The following GRIK2 variants were observed in gnomAD, a reference collection of about 807,000 sequenced individuals.
GRIK2 encodes glutamate receptor ionotropic, kainate 2.
A neutral mutation model predicts 100.3 loss-of-function variants in GRIK2; 32 were observed. The observed-to-expected ratio is 0.32, with a 90% CI of 0.24 to 0.43. The LOEUF is 0.43. Ranked by LOEUF, GRIK2 falls within the 20% of genes least tolerant of loss-of-function variation. The pLI is 1.00. For synonymous variants in GRIK2, 417 were observed against 389.4 expected (o/e 1.07, Z -0.83); for missense variants, 843 against 1,114.9 (o/e 0.76, Z 3.47).
In GRIK2 at chr6:101,621,853, A is replaced by G. The variant is rs1780179574; in HGVS notation, c.116-96A>G. 19 of 819,298 alleles carry G rather than the reference A, an allele frequency of 2.3e-5. No homozygotes were observed. In the South Asian group the frequency reaches 2.5e-4, roughly 11 times the overall value. The allele number at this position is 819,298 out of a possible 1,614,324, so 50.8% of individuals were successfully genotyped here. A position where few individuals can be genotyped will look rare whatever the true frequency, so the allele number is the denominator to read the frequency against. On this transcript the variant is annotated intron_variant, in intron 2 of 16. Coordinates refer to ENST00000369134, the MANE Select transcript of GRIK2 (RefSeq NM_021956.5). ...CACACACGCAAATGCACTTGCACAT[A>G]TATAAAAGTACAGAAAACTTCTGAT...
chr6:101,680,201 A>G (rs1441445161), intron 5 of GRIK2, among the ~76,000 whole-genome samples: 1 of 152,190 alleles, frequency 6.6e-6, no homozygotes, highest in African/African-American at 2.4e-5. Context: ...GGAAATACAT[A>G]TGTCAGAACA....
intron 2 of GRIK2, among the ~76,000 whole-genome samples, chr6:101,434,828 C>T (rs1232678480): frequency 2.0e-5 from 3 of 152,052 alleles, no homozygotes; most frequent in African/African-American, 7.2e-5. Context: ...AGCTGTTCAC[C>T]ATAATTCCTG....
At chr6:101,409,108 A>ATGTG (rs67806970) in intron 2 of GRIK2, among the ~76,000 whole-genome samples, 1,934 of 138,500 alleles carry the variant, frequency 0.014, 25 homozygotes, top group African/African-American at 0.033. Flanking sequence ...AACATTGTGT[A>ATGTG]TGTGTGTGTG....
At chr6:101,506,206 C>T (rs1474842831) in intron 2 of GRIK2, among the ~76,000 whole-genome samples, 4 of 152,112 alleles carry the variant, frequency 2.6e-5, no homozygotes, top group Non-Finnish European at 5.9e-5. Flanking sequence ...TCACTGGCTG[C>T]TCTTAAGTTA....
intron 14 of GRIK2, among the ~76,000 whole-genome samples, chr6:101,950,422 T>C (rs930123828): frequency 6.6e-6 from 1 of 152,222 alleles, no homozygotes; most frequent in Non-Finnish European, 1.5e-5. Context: ...GCAAACTTTG[T>C]AGTCCAGTTA....
Position 101,741,442 on chromosome 6 carries a change from T to A in GRIK2, c.951+55089T>A, listed in dbSNP as rs74869342. On this transcript the variant is annotated intron_variant, in intron 7 of 16. Coordinates refer to ENST00000369134, the MANE Select transcript of GRIK2 (RefSeq NM_021956.5). The stretch of plus-strand genomic sequence containing the variant: ...ACTGACGATAGATAGATTAGCAGAA[T>A]AAAAGACAGTGTTTATGTATATGTA... Among the ~76,000 whole-genome samples, 447 of 152,320 alleles carry A rather than the reference T, an allele frequency of 2.9e-3. 3 individuals are homozygous for A. Among genetic ancestry groups the A allele is most frequent in the African/African-American group, 0.01 (433 of 41,566 alleles).
chr6:101,565,853 A>G (rs1178575205), intron 2 of GRIK2, among the ~76,000 whole-genome samples: 2 of 149,310 alleles, frequency 1.3e-5, no homozygotes, highest in Non-Finnish European at 3.0e-5. Flanking sequence ...AGATTAACAC[A>G]TATTTTGTGT....
At chr6:101,861,172 T>C (rs1784714067) in intron 11 of GRIK2, among the ~76,000 whole-genome samples, 1 of 152,178 alleles carries the variant, frequency 6.6e-6, no homozygotes, top group African/African-American at 2.4e-5. Context: ...TTAGGAATGA[T>C]ATATAGGAAT....
chr6:101,599,026 TAG>T (rs1467407947), intron 2 of GRIK2, among the ~76,000 whole-genome samples: 1 of 151,672 alleles, frequency 6.6e-6, no homozygotes, highest in African/African-American at 2.4e-5. Flanking sequence ...GTAGTCAGCA[TAG>T]TATCCAACAG....
In GRIK2 at chr6:101,928,488, C is replaced by T; in HGVS notation, c.1941C>T (p.Ile647=). ...GGIWWFFTLI[I]ISSYTANLAA... is the part of the protein sequence containing the mutation. ...TTTGGTGGTTTTTCACACTTATCAT[C>T]ATTTCTTCGTATACTGCTAACTTAG... is the stretch of plus-strand genomic sequence containing the variant. Residue 647 remains isoleucine (I), a synonymous_variant, in exon 14 of 17, where the codon ATC becomes ATT. Transcript: ENST00000369134. The T allele has an allele frequency of 6.2e-7, 1 of 1,607,858 alleles. No individual in the cohort carries two copies. Among genetic ancestry groups the T allele is most frequent in the Non-Finnish European group, 8.5e-7 (1 of 1,174,362 alleles).
At chr6:101,676,114 T>TA (rs1157389549) in intron 4 of GRIK2, among the ~76,000 whole-genome samples, 1 of 152,184 alleles carries the variant, frequency 6.6e-6, no homozygotes, top group African/African-American at 2.4e-5. Flanking sequence ...ATTATTAATG[T>TA]AAAATACAAT....
At chr6:101,546,297 G>A (rs1025729959) in intron 2 of GRIK2, among the ~76,000 whole-genome samples, 1 of 152,040 alleles carries the variant, frequency 6.6e-6, no homozygotes, top group Non-Finnish European at 1.5e-5. Context: ...TCTGTCTTGG[G>A]ACAGAATCTA....
At position 101,791,066 on chromosome 6, in the gene GRIK2, T is replaced by A. The variant is rs578094070; in HGVS notation, c.952-8582T>A. On this transcript the variant is annotated intron_variant, in intron 7 of 16. Transcript: ENST00000369134. Reference sequence around the variant, plus strand: ...ATCGGTGGTGATATCCCTTTTATCATTTTTTATTGCGTCTATTTGATTCTT... The same window carrying A: ...ATCGGTGGTGATATCCCTTTTATCAATTTTTATTGCGTCTATTTGATTCTT... 4.6e-5 allele frequency among the ~76,000 whole-genome samples: 7 copies of A among 152,318 alleles called. No individual in the cohort carries two copies. The South Asian group carries it at 8.3e-4, about 18-fold the overall frequency.
chr6:101,749,808 T>C (rs945420113), intron 7 of GRIK2, among the ~76,000 whole-genome samples: 9 of 141,176 alleles, frequency 6.4e-5, no homozygotes, highest in East Asian at 2.0e-4. Context: ...AGTTTCTTTT[T>C]TTTTTTTTTT....
chr6:102,060,695 G>T (rs1464059853), intron 16 of GRIK2, among the ~76,000 whole-genome samples: 9 of 150,512 alleles, frequency 6.0e-5, no homozygotes, highest in African/African-American at 2.2e-4. Context: ...GAAACTATAA[G>T]ATATCTATAC....
At chr6:101,962,621 G>A (rs952267101) in intron 14 of GRIK2, among the ~76,000 whole-genome samples, 5 of 152,210 alleles carry the variant, frequency 3.3e-5, no homozygotes, top group African/African-American at 9.6e-5. Context: ...TATTGAAAGT[G>A]AGCTACTGAA....
intron 7 of GRIK2, among the ~76,000 whole-genome samples, chr6:101,715,642 T>TA (rs1315445187): frequency 6.6e-6 from 1 of 151,822 alleles, no homozygotes; most frequent in Non-Finnish European, 1.5e-5. Flanking sequence ...TGGGAGTTTT[T>TA]ATGGCAGTCT....
intron 10 of GRIK2, among the ~76,000 whole-genome samples, chr6:101,820,806 GCTAC>G (rs1162780284): frequency 6.6e-6 from 1 of 152,102 alleles, no homozygotes; most frequent in Non-Finnish European, 1.5e-5. Context: ...CATCTCAAAT[GCTAC>G]CCACTTCATG....
At chr6:101,394,085 G>A (rs1460216416) in intron 1 of GRIK2, among the ~76,000 whole-genome samples, 3 of 152,166 alleles carry the variant, frequency 2.0e-5, no homozygotes, top group East Asian at 1.9e-4. Context: ...GGCTGCAGTC[G>A]CCTATGTTCT....
Sources: gnomAD v4.1 joint callset for allele counts (sites outside exome capture counted in the v4.1 genomes callset) on GRCh38, gnomAD v4.1.1 for gene constraint, MANE v1.5 for transcripts, NCBI Gene and HGNC (gene_info 2026-07-23, HGNC 2026-07-21) for gene names.